Variants in OPRM1 observed in about 807,000 individuals in gnomAD.
OPRM1 encodes mu-type opioid receptor.
A neutral mutation model predicts 31.8 loss-of-function variants in OPRM1; 27 were observed. That is an observed-to-expected ratio of 0.85 (90% CI 0.63 to 1.17). The LOEUF is 1.17. OPRM1 is among the 50% of genes most tolerant of loss of function. The probability of loss-of-function intolerance (pLI) is 0.00; values close to 1 mark genes in which losing one functional copy is unlikely to be tolerated. For synonymous variants in OPRM1, 196 were observed against 189.9 expected (o/e 1.03, Z -0.26); for missense variants, 536 against 511.1 (o/e 1.05, Z -0.47).
In OPRM1 at chr6:154,120,249, A is replaced by C. The variant is rs1797232727; in HGVS notation, c.*1528A>C. 6.6e-6 allele frequency among the ~76,000 whole-genome samples: 1 copy of C among 152,192 alleles called. No individual in the cohort carries two copies. The highest frequency in any genetic ancestry group is 2.4e-5 in the African/African-American group (1 of 41,458). ...TTTTTCATCAATCTGACAAGGCACA[A>C]ATATGTGCCAGATATACAAAAGCAA... On this transcript the variant is annotated 3_prime_UTR_variant, in exon 4 of 4. Coordinates refer to ENST00000330432, the MANE Select transcript of OPRM1 (RefSeq NM_000914.5).
intron 1 of OPRM1, among the ~76,000 whole-genome samples, chr6:154,049,280 C>T (rs893818735): frequency 6.6e-6 from 1 of 152,052 alleles, no homozygotes; most frequent in African/African-American, 2.4e-5. Context: ...GTCACCACCA[C>T]CACCAACAAC....
chr6:154,144,334 T>C (rs970162571), intron 3 of OPRM1, among the ~76,000 whole-genome samples: 4 of 152,232 alleles, frequency 2.6e-5, no homozygotes, highest in African/African-American at 4.8e-5. Flanking sequence ...GTTATATTGA[T>C]ACCAAACCAG....
intron 3 of OPRM1, among the ~76,000 whole-genome samples, chr6:154,246,020 A>G (rs1781008348): frequency 6.6e-6 from 1 of 152,324 alleles, no homozygotes; most frequent in East Asian, 1.9e-4. Context: ...ATGCCATCAC[A>G]GAGCACACCA....
chr6:154,188,749 T>G (rs1801603423), intron 3 of OPRM1, among the ~76,000 whole-genome samples: 1 of 152,208 alleles, frequency 6.6e-6, no homozygotes, highest in South Asian at 2.1e-4. Context: ...TGAAGACTCA[T>G]GTGGATGTTT....
intron 3 of OPRM1, among the ~76,000 whole-genome samples, chr6:154,229,965 G>T (rs541932333): frequency 2.0e-5 from 3 of 152,146 alleles, no homozygotes; most frequent in African/African-American, 7.2e-5. Context: ...AAACACAAGC[G>T]ATCAGTTATG....
chr6:154,159,464 C>T, intron 3 of OPRM1: 1 of 230,202 alleles, frequency 4.3e-6, no homozygotes, highest in Non-Finnish European at 8.3e-6. Flanking sequence ...AGAATGTTTC[C>T]ATGGGCAATT....
rs773711754 is a variant in OPRM1, at chr6:154,063,496, T to C, written c.290+23662T>C. Among the ~76,000 whole-genome samples, 104 of 152,120 alleles carry C rather than the reference T, an allele frequency of 6.8e-4. 1 individual carries two copies. The highest frequency in any genetic ancestry group is 3.1e-4 in the Non-Finnish European group (21 of 67,856). On this transcript the variant is annotated intron_variant, in intron 1 of 3. Coordinates refer to ENST00000330432, the MANE Select transcript of OPRM1 (RefSeq NM_000914.5). ...CCTAATTCATATTTTTATTGATTCA[T>C]GCAACATAAAGTTTCCATTTTAACC...
At chr6:154,191,993 T>C (rs563994922) in intron 3 of OPRM1, among the ~76,000 whole-genome samples, 6 of 152,196 alleles carry the variant, frequency 3.9e-5, no homozygotes, top group Non-Finnish European at 4.4e-5. Context: ...TCACCAATAG[T>C]AGATACATTT....
chr6:154,071,981 C>A (rs144366685), intron 1 of OPRM1, among the ~76,000 whole-genome samples: 1 of 152,196 alleles, frequency 6.6e-6, no homozygotes, highest in African/African-American at 2.4e-5. Context: ...CAGAGGAATA[C>A]CACAGACTGA....
chr6:154,136,085 G>A (rs542363720), downstream of OPRM1, among the ~76,000 whole-genome samples: 8 of 152,174 alleles, frequency 5.3e-5, no homozygotes, highest in Non-Finnish European at 1.2e-4. Context: ...CTCCAGGAAG[G>A]CTGAGACATC....
chr6:154,107,648 T>C, intron 3 of OPRM1: 1 of 718,544 alleles, frequency 1.4e-6, no homozygotes. Flanking sequence ...AAAATTCCTG[T>C]TCCCTTGAAG....
intron 3 of OPRM1, chr6:154,107,563 G>T: frequency 1.4e-6 from 1 of 718,574 alleles, no homozygotes; most frequent in South Asian, 1.5e-5. Context: ...GAAGAGTCTA[G>T]AGCATTAATT....
At chr6:154,037,055 T>A (rs201168332), upstream of OPRM1, among the ~76,000 whole-genome samples, 5 of 151,848 alleles carry the variant, frequency 3.3e-5, no homozygotes, top group East Asian at 9.6e-4. Context: ...TGGATAAGAA[T>A]CATGAATTGG....
In OPRM1 at chr6:154,126,735, CAGT is replaced by C. The variant is rs1355620357; in HGVS notation, c.*8016_*8018del. On this transcript the variant is annotated 3_prime_UTR_variant, in exon 4 of 4. Coordinates refer to ENST00000330432, the MANE Select transcript of OPRM1 (RefSeq NM_000914.5). ...GGCTCAGTGACAGGTGTACAGCCTTCAGTAATGCCTCAAAGGTTCTCCAAGCAG... is the reference window on the plus strand; with the variant it reads ...GGCTCAGTGACAGGTGTACAGCCTTCAATGCCTCAAAGGTTCTCCAAGCAG... Among the ~76,000 whole-genome samples the C allele has an allele frequency of 1.3e-5, 2 of 152,108 alleles. No individual in the cohort carries two copies. Among genetic ancestry groups the C allele is most frequent in the East Asian group, 3.8e-4 (2 of 5,196 alleles).
chr6:154,018,967 A>ATTTC (rs1778175586), intron 1 of OPRM1, among the ~76,000 whole-genome samples: 2 of 151,794 alleles, frequency 1.3e-5, no homozygotes, highest in South Asian at 4.2e-4. Flanking sequence ...TTATTTTTTA[A>ATTTC]TTTCAGTTTG....
In OPRM1 at chr6:154,131,357, G is replaced by A. The variant is rs1276787363; in HGVS notation, c.*12636G>A. ...TTTTTCCTCTCCAGGAATAAGAATG[G>A]CAACTGAATTGTTCCTTCTTTATTC... On this transcript the variant is annotated 3_prime_UTR_variant, in exon 4 of 4. Transcript: ENST00000330432. Among the ~76,000 whole-genome samples, 2 of 152,270 alleles carry A rather than the reference G, an allele frequency of 1.3e-5. No individual in the cohort carries two copies. Among genetic ancestry groups the A allele is most frequent in the African/African-American group, 2.4e-5 (1 of 41,562 alleles).
At chr6:154,203,627 T>C (rs986937419) in intron 3 of OPRM1, among the ~76,000 whole-genome samples, 4 of 152,058 alleles carry the variant, frequency 2.6e-5, no homozygotes, top group African/African-American at 4.8e-5. Flanking sequence ...CAGACTTTGG[T>C]CTCCATGGGG....
intron 3 of OPRM1, among the ~76,000 whole-genome samples, chr6:154,220,766 G>A (rs150680962): frequency 1.3e-5 from 2 of 152,214 alleles, no homozygotes; most frequent in Admixed American, 6.5e-5. Flanking sequence ...CCTGGAAATG[G>A]AGCTAGGGAT....
downstream of OPRM1, among the ~76,000 whole-genome samples, chr6:154,132,771 G>T: frequency 6.6e-6 from 1 of 152,174 alleles, no homozygotes; most frequent in East Asian, 1.9e-4. Flanking sequence ...GCATGCTCTG[G>T]GTTGTTAGGT....
Sources: gnomAD v4.1 joint callset for allele counts (sites outside exome capture counted in the v4.1 genomes callset) on GRCh38, gnomAD v4.1.1 for gene constraint, MANE v1.5 for transcripts, NCBI Gene and HGNC (gene_info 2026-07-23, HGNC 2026-07-21) for gene names.